Variants in SH3GL3 observed in about 807,000 individuals in gnomAD.
SH3GL3 encodes endophilin-A3.
In SH3GL3, 33 loss-of-function variants were observed where a neutral mutation model predicts 47.7. The observed-to-expected ratio is 0.69, with a 90% CI of 0.52 to 0.92. The LOEUF is 0.92. Ranked by LOEUF, SH3GL3 falls within the 40% of genes least tolerant of loss-of-function variation. The pLI, the probability that SH3GL3 is intolerant of heterozygous loss-of-function variation, is 0.00. For missense variants in SH3GL3, 363 were observed against 417.8 expected, an observed-to-expected ratio of 0.87 and a Z score of 1.14; for synonymous variants, 155 against 148.8, an observed-to-expected ratio of 1.04 and a Z score of -0.30.
intron 1 of SH3GL3, among the ~76,000 whole-genome samples, chr15:83,553,918 T>C (rs182059904): frequency 3.3e-5 from 5 of 152,316 alleles, no homozygotes; most frequent in Admixed American, 2.0e-4. Flanking sequence ...GTCCATACTT[T>C]CCCTCTTGGT....
chr15:83,622,427 G>A (rs2060917607), downstream of SH3GL3, among the ~76,000 whole-genome samples: 1 of 152,210 alleles, frequency 6.6e-6, no homozygotes, highest in South Asian at 2.1e-4. Context: ...TATTCTCAAT[G>A]CCCATAATAT....
At position 83,582,536 on chromosome 15, in the gene SH3GL3, G is replaced by C. The variant is rs546840268; in HGVS notation, c.625-4447G>C. 3.9e-5 allele frequency among the ~76,000 whole-genome samples: 6 copies of C among 152,280 alleles called. 1 individual carries two copies. Among genetic ancestry groups the C allele is most frequent in the Admixed American group, 2.6e-4 (4 of 15,300 alleles). On this transcript the variant is annotated intron_variant, in intron 6 of 8. Transcript: ENST00000427482. ...TTTCTTTATCACAAGACTTTTCAGAGTCTTTATTTGACAGTATGAAAGATT... is the reference window on the plus strand; with the variant it reads ...TTTCTTTATCACAAGACTTTTCAGACTCTTTATTTGACAGTATGAAAGATT...
intron 1 of SH3GL3, among the ~76,000 whole-genome samples, chr15:83,486,968 C>G (rs2041625483): frequency 6.6e-6 from 1 of 152,202 alleles, no homozygotes; most frequent in African/African-American, 2.4e-5. Flanking sequence ...GGTCCCTACA[C>G]TTGTCCCTCT....
At chr15:83,512,546 GC>G (rs1046749321) in intron 1 of SH3GL3, among the ~76,000 whole-genome samples, 1 of 152,102 alleles carries the variant, frequency 6.6e-6, no homozygotes, top group Non-Finnish European at 1.5e-5. Flanking sequence ...CTCAGATTGG[GC>G]TTTCCTGCAC....
At chr15:83,556,189 T>C (rs369508795) in intron 1 of SH3GL3, among the ~76,000 whole-genome samples, 1 of 149,634 alleles carries the variant, frequency 6.7e-6, no homozygotes, top group African/African-American at 2.5e-5. Flanking sequence ...TATCTTTTTT[T>C]ATCTTTCTAT....
intron 1 of SH3GL3, among the ~76,000 whole-genome samples, chr15:83,510,073 A>G (rs2042684417): frequency 7.9e-6 from 1 of 126,724 alleles, no homozygotes; most frequent in Non-Finnish European, 1.6e-5. Context: ...AGAGAGTGTC[A>G]TGGAAGGCTT....
the SH3GL3 span, among the ~76,000 whole-genome samples, chr15:83,628,606 G>T: frequency 6.6e-6 from 1 of 152,128 alleles, no homozygotes; most frequent in Non-Finnish European, 1.5e-5. Flanking sequence ...AGCTATGAGT[G>T]GTGGCAGGTG....
At chr15:83,498,372 A>G (rs1036024339) in intron 1 of SH3GL3, among the ~76,000 whole-genome samples, 3 of 152,186 alleles carry the variant, frequency 2.0e-5, no homozygotes, top group Non-Finnish European at 4.4e-5. Context: ...GTTTCTGGAA[A>G]TTAAGCATAT....
intron 2 of SH3GL3, among the ~76,000 whole-genome samples, chr15:83,564,043 C>T (rs1000839979): frequency 2.0e-5 from 3 of 152,092 alleles, no homozygotes; most frequent in Non-Finnish European, 2.9e-5. Context: ...TAAGTTTTTA[C>T]GGAGTCAGAA....
chr15:83,501,047 T>C (rs1490883745), intron 1 of SH3GL3, among the ~76,000 whole-genome samples: 1 of 152,210 alleles, frequency 6.6e-6, no homozygotes, highest in Non-Finnish European at 1.5e-5. Context: ...GGCTTATGCT[T>C]TTAATGACCT....
Position 83,507,615 on chromosome 15 carries a change from A to G in SH3GL3, c.46-51638A>G, listed in dbSNP as rs2042568545. 5.3e-5 allele frequency among the ~76,000 whole-genome samples: 8 copies of G among 151,756 alleles called. No homozygotes were observed. The South Asian group carries it at 1.7e-3, about 32-fold the overall frequency. On this transcript the variant is annotated intron_variant, in intron 1 of 8. Transcript: ENST00000427482. ...GTTTTAGTAGAGATGGGGTTTCACC[A>G]TGTTGGCCAGGCTGGTCTTGAACTC...
chr15:83,627,092 T>C, the SH3GL3 span, among the ~76,000 whole-genome samples: 1 of 152,122 alleles, frequency 6.6e-6, no homozygotes, highest in African/African-American at 2.4e-5. Context: ...TGGTGGACTT[T>C]ATTATCAGAT....
intron 8 of SH3GL3, among the ~76,000 whole-genome samples, chr15:83,611,006 ATG>A (rs933271172): frequency 6.7e-6 from 1 of 150,064 alleles, no homozygotes; most frequent in African/African-American, 2.4e-5. Flanking sequence ...TATAATATGT[ATG>A]TGTGTGTGTA....
intron 2 of SH3GL3, among the ~76,000 whole-genome samples, chr15:83,564,615 G>C (rs2045448231): frequency 6.6e-6 from 1 of 152,186 alleles, no homozygotes; most frequent in Non-Finnish European, 1.5e-5. Flanking sequence ...GGAAAACTTT[G>C]ATGTTAACAT....
At chr15:83,571,944 C>T (rs547184066) in intron 4 of SH3GL3, among the ~76,000 whole-genome samples, 3 of 152,230 alleles carry the variant, frequency 2.0e-5, no homozygotes, top group Non-Finnish European at 4.4e-5. Context: ...AAACTACCTG[C>T]CACTACCCGA....
intron 1 of SH3GL3, among the ~76,000 whole-genome samples, chr15:83,515,654 A>G (rs1316911781): frequency 2.0e-5 from 3 of 152,206 alleles, no homozygotes; most frequent in Non-Finnish European, 4.4e-5. Context: ...TTATATTGCT[A>G]CTTAAATCTG....
chr15:83,624,030 G>A, the SH3GL3 span, among the ~76,000 whole-genome samples: 13 of 152,124 alleles, frequency 8.5e-5, no homozygotes, highest in South Asian at 4.2e-4. Flanking sequence ...CAGGTGATCC[G>A]CCCACCTCGG....
rs57113409 is a variant in SH3GL3 at position 83,496,358 on chromosome 15, CA to C, written c.45+48793del. On this transcript the variant is annotated intron_variant, in intron 1 of 8. Coordinates refer to ENST00000427482, the MANE Select transcript of SH3GL3 (RefSeq NM_003027.5). ...TGGGCAACAGAGTGAGATTATGTCT[CA>C]AAAAAAAAAAAAGAAAAAAAAAAGA... 1.4e-3 allele frequency among the ~76,000 whole-genome samples: 126 copies of C among 89,476 alleles called. 1 individual carries two copies. The highest frequency in any genetic ancestry group is 2.2e-3 in the Admixed American group (17 of 7,786). The allele number at this position is 89,476 out of a possible 152,430, so 58.7% of individuals were successfully genotyped here.
chr15:83,555,374 TG>T (rs1489987221), intron 1 of SH3GL3, among the ~76,000 whole-genome samples: 11 of 152,242 alleles, frequency 7.2e-5, no homozygotes, highest in Admixed American at 2.0e-4. Context: ...TGTTATGTTA[TG>T]TGATTTTGTC....
Sources: allele counts gnomAD v4.1 joint callset (sites outside exome capture counted in the v4.1 genomes callset), GRCh38; gene constraint gnomAD v4.1.1; transcripts MANE v1.5; gene names NCBI Gene and HGNC (gene_info 2026-07-23, HGNC 2026-07-21).